Variants in TRAM2 observed in about 807,000 individuals in gnomAD.
TRAM2 encodes translocating chain-associated membrane protein 2.
A neutral mutation model predicts 51.0 loss-of-function variants in TRAM2; 12 were observed. That is an observed-to-expected ratio of 0.24 (90% CI 0.15 to 0.38). The LOEUF is 0.38. Ranked by LOEUF, TRAM2 falls within the 10% of genes least tolerant of loss-of-function variation. The pLI is 1.00. For synonymous variants in TRAM2, 175 were observed against 179.4 expected (o/e 0.98, Z 0.20); for missense variants, 361 against 462.0 (o/e 0.78, Z 2.00).
intron 1 of TRAM2, among the ~76,000 whole-genome samples, chr6:52,544,576 G>A (rs985382900): frequency 1.3e-5 from 2 of 152,212 alleles, no homozygotes; most frequent in African/African-American, 2.4e-5. Context: ...CGGCACTGGC[G>A]TTTGAGTCCA....
intron 1 of TRAM2, among the ~76,000 whole-genome samples, chr6:52,542,836 GAA>G (rs528263646): frequency 2.2e-4 from 34 of 152,196 alleles, no homozygotes; most frequent in Non-Finnish European, 4.3e-4. Context: ...GAGGAATGTA[GAA>G]AGAGTCACAA....
intron 4 of TRAM2, among the ~76,000 whole-genome samples, chr6:52,513,957 T>A (rs1766496459): frequency 6.6e-6 from 1 of 152,208 alleles, no homozygotes; most frequent in Non-Finnish European, 1.5e-5. Flanking sequence ...TTTCTCAATC[T>A]TGGCACTATG....
intron 10 of TRAM2, 67 bp from the exon 11 acceptor site, chr6:52,503,337 T>TG: frequency 6.8e-7 from 1 of 1,478,624 alleles, no homozygotes. Context: ...GAGGGGAGGG[T>TG]GGGGCCAGGC....
chr6:52,572,192 CCT>C (rs1164449584), intron 1 of TRAM2, among the ~76,000 whole-genome samples: 2 of 152,202 alleles, frequency 1.3e-5, no homozygotes, highest in East Asian at 3.8e-4. Flanking sequence ...TCCTTGGTTT[CCT>C]CTGTCTAACT....
At chr6:52,555,744 T>C (rs1357412642) in intron 1 of TRAM2, among the ~76,000 whole-genome samples, 1 of 152,138 alleles carries the variant, frequency 6.6e-6, no homozygotes, top group African/African-American at 2.4e-5. Flanking sequence ...AATGCTAACA[T>C]CTCAAAATAT....
intron 2 of TRAM2, among the ~76,000 whole-genome samples, chr6:52,520,605 G>A (rs779926414): frequency 2.4e-4 from 36 of 152,120 alleles, no homozygotes; most frequent in Admixed American, 2.1e-3. Context: ...GCATTATCTC[G>A]TCTGATCATC....
chr6:52,502,240 C>A lies in TRAM2; in HGVS notation c.*957G>T, dbSNP rs1036689825. ...GGCTGGCTGGCTCTGGAGGTGAGGA[C>A]CAGCCTATCTCAGGCAGGTATATGA... On this transcript the variant is annotated 3_prime_UTR_variant, in exon 11 of 11. Coordinates refer to ENST00000182527, the MANE Select transcript of TRAM2 (RefSeq NM_012288.4). 4.6e-5 allele frequency: 7 copies of A among 152,254 alleles called. No individual in the cohort carries two copies. Among genetic ancestry groups the A allele is most frequent in the African/African-American group, 1.4e-4 (6 of 41,458 alleles). 9.4% of individuals were successfully genotyped at this position (152,254 alleles called of 1,614,324 possible). A position where few individuals can be genotyped will look rare whatever the true frequency, so the allele number is the denominator to read the frequency against.
At chr6:52,569,388 TAAA>T (rs11331630) in intron 1 of TRAM2, among the ~76,000 whole-genome samples, 1,713 of 136,034 alleles carry the variant, frequency 0.013, 27 homozygotes, top group African/African-American at 0.041. Context: ...AGACTCCATT[TAAA>T]AAAAAAAAAA....
In TRAM2 at chr6:52,500,230, C is replaced by CT. The variant is rs1454000504; in HGVS notation, c.*2966dup. On this transcript the variant is annotated 3_prime_UTR_variant, in exon 11 of 11. Transcript: ENST00000182527. ...CAGAGCCTTCACAAATGGCTTGGCA[C>CT]TTTGGGGCAGGAGAGAATGCATAAA... 1 of 152,212 alleles carries CT rather than the reference C, an allele frequency of 6.6e-6. No individual in the cohort carries two copies. Among genetic ancestry groups the CT allele is most frequent in the Non-Finnish European group, 1.5e-5 (1 of 68,064 alleles). The allele number at this position is 152,212 out of a possible 1,614,324, so 9.4% of individuals were successfully genotyped here.
chr6:52,506,018 G>A lies in TRAM2; in HGVS notation c.731+14C>T, dbSNP rs1457277558. The A allele has an allele frequency of 1.2e-6, 2 of 1,613,366 alleles. No homozygotes were observed. Among genetic ancestry groups the A allele is most frequent in the African/African-American group, 2.7e-5 (2 of 74,940 alleles). ...AGGCCTCTAAGCGGGCCAGCCTGCA[G>A]CAGACCCACTTACAGTTTCTCGTTG... On this transcript the variant is annotated intron_variant, in intron 8 of 10. Transcript: ENST00000182527.
Position 52,535,857 on chromosome 6 carries a change from A to C in TRAM2, c.121-11T>G. ...AGTCTTGGCTGTGACCTGTAAAACAAAGGAAAAGAGTTCCAGTTTAGCTTT... is the reference window on the plus strand; with the variant it reads ...AGTCTTGGCTGTGACCTGTAAAACACAGGAAAAGAGTTCCAGTTTAGCTTT... On this transcript the variant is annotated splice_polypyrimidine_tract_variant and intron_variant, in intron 1 of 10. Transcript: ENST00000182527. 1 of 1,612,886 alleles carries C rather than the reference A, an allele frequency of 6.2e-7. No individual in the cohort carries two copies. Among genetic ancestry groups the C allele is most frequent in the Non-Finnish European group, 8.5e-7 (1 of 1,179,270 alleles).
At chr6:52,575,042 A>T (rs1160811741) in intron 1 of TRAM2, among the ~76,000 whole-genome samples, 1 of 152,224 alleles carries the variant, frequency 6.6e-6, no homozygotes. Flanking sequence ...GGAGGACAGC[A>T]AACAGACAGC....
At chr6:52,518,214 G>T (rs945409032) in intron 2 of TRAM2, among the ~76,000 whole-genome samples, 1 of 152,138 alleles carries the variant, frequency 6.6e-6, no homozygotes, top group Non-Finnish European at 1.5e-5. Flanking sequence ...CACTGGTCAG[G>T]GTGAACAGAA....
At chr6:52,548,269 G>A (rs920369584) in intron 1 of TRAM2, among the ~76,000 whole-genome samples, 1 of 152,128 alleles carries the variant, frequency 6.6e-6, no homozygotes, top group African/African-American at 2.4e-5. Context: ...CCATTATCAC[G>A]AAGACGATAA....
At chr6:52,519,136 A>G (rs556261243) in intron 2 of TRAM2, among the ~76,000 whole-genome samples, 1 of 152,338 alleles carries the variant, frequency 6.6e-6, no homozygotes, top group South Asian at 2.1e-4. Context: ...TGGCTGACGA[A>G]CCACGCACAG....
chr6:52,576,713 G>GGCCCGCTGACCTGCAGGGGTGT, intron 1 of TRAM2, 83 bp downstream of exon 1: 3 of 1,525,516 alleles, frequency 2.0e-6, no homozygotes, highest in Non-Finnish European at 2.7e-6. Flanking sequence ...ATCAGAGGAG[G>GGCCCGCTGACCTGCAGGGGTGT]GCCCGCTGAC....
At position 52,500,474 on chromosome 6, in the gene TRAM2, G is replaced by A. The variant is rs1766188587; in HGVS notation, c.*2723C>T. ...CTAACCACCCCCCCCAAACATCCCT[G>A]AAGCCCAGGCTGGCAAGATGCCAGC... is the stretch of plus-strand genomic sequence containing the variant. On this transcript the variant is annotated 3_prime_UTR_variant, in exon 11 of 11. Coordinates refer to ENST00000182527, the MANE Select transcript of TRAM2 (RefSeq NM_012288.4). 1 of 151,116 alleles carries A rather than the reference G, an allele frequency of 6.6e-6. No individual in the cohort carries two copies. Among genetic ancestry groups the A allele is most frequent in the African/African-American group, 2.4e-5 (1 of 41,034 alleles). The allele number at this position is 151,116 out of a possible 1,614,324, so 9.4% of individuals were successfully genotyped here. A position where few individuals can be genotyped will look rare whatever the true frequency, so the allele number is the denominator to read the frequency against.
rs78538985 is a variant in TRAM2, at chr6:52,519,276, C to T, written c.185-2539G>A. Among the ~76,000 whole-genome samples the T allele has an allele frequency of 6.8e-4, 103 of 152,294 alleles. 1 individual carries two copies. The East Asian group carries it at 0.019, about 28-fold the overall frequency. On this transcript the variant is annotated intron_variant, in intron 2 of 10. Coordinates refer to ENST00000182527, the MANE Select transcript of TRAM2 (RefSeq NM_012288.4). ...CAGCAGCCAAAGAACTGTAACTCAA[C>T]AACAAAAACCAAACAACCTGATTCT...
chr6:52,526,160 C>G (rs1406221253), intron 2 of TRAM2, among the ~76,000 whole-genome samples: 68 of 2,304 alleles, frequency 0.03, 1 homozygote, highest in South Asian at 0.13. Flanking sequence ...CAGACACACA[C>G]ACACACACAC....
Sources: gnomAD v4.1 joint callset for allele counts (sites outside exome capture counted in the v4.1 genomes callset) on GRCh38, gnomAD v4.1.1 for gene constraint, MANE v1.5 for transcripts, NCBI Gene and HGNC (gene_info 2026-07-23, HGNC 2026-07-21) for gene names.